RIPOR1: variants seen among roughly 807,000 people sequenced by gnomAD.
RIPOR1 encodes rho family-interacting cell polarization regulator 1.
A neutral mutation model predicts 116.5 loss-of-function variants in RIPOR1; 58 were observed. The observed-to-expected ratio is 0.50, with a 90% CI of 0.40 to 0.62. The LOEUF is 0.62. Ranked by LOEUF, RIPOR1 falls within the 20% of genes least tolerant of loss-of-function variation. The probability of loss-of-function intolerance (pLI) is 0.00; values close to 1 mark genes in which losing one functional copy is unlikely to be tolerated. For synonymous variants in RIPOR1, 605 were observed against 650.0 expected (o/e 0.93, Z 1.05); for missense variants, 1,372 against 1,586.2 (o/e 0.86, Z 2.29).
In RIPOR1 at chr16:67,537,590, G is replaced by A. The variant is rs760181088; in HGVS notation, c.-23-834G>A. On this transcript the variant is annotated intron_variant, in intron 1 of 21. Transcript: ENST00000042381. This position sits in a 1 kb window ranked among gnomAD's most constrained non-coding sequence, Gnocchi z 4.6. ...GTCCCGGACCCACCATGAACACCAA[G>A]AAGAGAGGTAGGACCCAGCTCGGGG... is the stretch of plus-strand genomic sequence containing the variant. 2.1e-6 allele frequency: 3 copies of A among 1,422,142 alleles called. No individual in the cohort carries two copies. In the South Asian group the frequency reaches 4.3e-5, roughly 21 times the overall value. 88.1% of individuals were successfully genotyped at this position (1,422,142 alleles called of 1,614,324 possible).
upstream of RIPOR1, among the ~76,000 whole-genome samples, chr16:67,525,717 T>C (rs2050534624): frequency 6.6e-6 from 1 of 152,010 alleles, no homozygotes; most frequent in Non-Finnish European, 1.5e-5. Context: ...TTAGAAGTGC[T>C]CATAATTCCT....
chr16:67,541,588 G>T lies in RIPOR1; in HGVS notation c.950+10G>T. 1.2e-6 allele frequency: 2 copies of T among 1,614,048 alleles called. No individual in the cohort carries two copies. The highest frequency in any genetic ancestry group is 1.7e-6 in the Non-Finnish European group (2 of 1,179,938). The stretch of plus-strand genomic sequence containing the variant: ...TGGAAGTCACATGGAGGTTGGTGGG[G>T]CTGAGAGGCTTGGAGGAGGGCCAGG... On this transcript the variant is annotated intron_variant, in intron 11 of 21. Transcript: ENST00000042381. This position sits in a 1 kb window ranked among gnomAD's most constrained non-coding sequence, Gnocchi z 4.6.
chr16:67,545,625 C>A lies in RIPOR1; in HGVS notation c.3191-39C>A. ...CCAACCTCGGGGGCTCCTCACCCTGCCACCTTGCCCACCCACCCACCATAT... is the reference window on the plus strand; with the variant it reads ...CCAACCTCGGGGGCTCCTCACCCTGACACCTTGCCCACCCACCCACCATAT... On this transcript the variant is annotated intron_variant, in intron 18 of 21. Transcript: ENST00000042381. This position sits in a 1 kb window ranked among gnomAD's most constrained non-coding sequence, Gnocchi z 4.8. 1 of 1,572,336 alleles carries A rather than the reference C, an allele frequency of 6.4e-7. No individual in the cohort carries two copies.
intron 1 of RIPOR1, 42 bp from the exon 2 acceptor site, chr16:67,538,382 G>T: frequency 1.3e-6 from 2 of 1,525,886 alleles, no homozygotes; most frequent in Non-Finnish European, 1.8e-6. Flanking sequence ...AGAGGGCTTC[G>T]GGGATCCGAC....
chr16:67,534,835 C>CTTTTTTTTTTTTTTTTTTTTTT (rs553858194), intron 1 of RIPOR1, among the ~76,000 whole-genome samples: 1 of 79,022 alleles, frequency 1.3e-5, no homozygotes, highest in Non-Finnish European at 2.3e-5. Flanking sequence ...TTCTTTTTTT[C>CTTTTTTTTTTTTTTTTTTTTTT]TTTTTTTTTT....
At chr16:67,532,678 G>A (rs543886154) in intron 1 of RIPOR1, among the ~76,000 whole-genome samples, 76 of 152,244 alleles carry the variant, frequency 5.0e-4, no homozygotes, top group African/African-American at 1.7e-3. Context: ...CTGAATAAGT[G>A]TCTTGCCCAA....
chr16:67,535,109 T>C (rs1213661742), intron 1 of RIPOR1, among the ~76,000 whole-genome samples: 2 of 152,066 alleles, frequency 1.3e-5, no homozygotes, highest in Non-Finnish European at 2.9e-5. Flanking sequence ...TCCCAAAGTG[T>C]TGGGATTATA....
At position 67,531,913 on chromosome 16, in the gene RIPOR1, A is replaced by G. The variant is rs761559251; in HGVS notation, c.-24+2999A>G. Among the ~76,000 whole-genome samples the G allele has an allele frequency of 1.3e-5, 2 of 152,028 alleles. No homozygotes were observed. The highest frequency in any genetic ancestry group is 2.9e-5 in the Non-Finnish European group (2 of 68,004). ...TGACTGTTTTGTTTTGTTTTTTGAG[A>G]CAGAGTCTCGCTCTGTCGCCCAGGC... On this transcript the variant is annotated intron_variant, in intron 1 of 21. Coordinates refer to ENST00000042381, the MANE Select transcript of RIPOR1 (RefSeq NM_024519.4). The surrounding 1 kb of genome is among the most constrained non-coding windows in gnomAD (Gnocchi z 4.2).
rs759345539 is a variant in RIPOR1, at chr16:67,545,852, C to T, written c.3379C>T (p.Arg1127Trp). 1.1e-5 allele frequency: 17 copies of T among 1,606,864 alleles called. No homozygotes were observed. Among genetic ancestry groups the T allele is most frequent in the South Asian group, 1.1e-5 (1 of 89,982 alleles). ...GAGCCTGTCACTGGGCCCTACCTTC[C>T]GGGAGAGGGTGAGTTGGACAGGGCT... is the stretch of plus-strand genomic sequence containing the variant. Reference protein sequence around the residue: ...LRSLSLGPTFRERALLCFLDQ... With the variant: ...LRSLSLGPTFWERALLCFLDQ... The change falls in exon 19 of 22, where the codon CGG becomes TGG. Residue 1127 changes from arginine to tryptophan, a missense_variant. Physicochemically the swap from Arg to Trp is moderately radical, Grantham distance 101. Around this residue, in one of 3 missense-constraint regions of RIPOR1, gnomAD observed 1,005 missense variants for 1,144.7 expected, o/e 0.88. Coordinates refer to ENST00000042381, the MANE Select transcript of RIPOR1 (RefSeq NM_024519.4). The surrounding 1 kb of genome is among the most constrained non-coding windows in gnomAD (Gnocchi z 4.8).
chr16:67,539,998 G>A, intron 6 of RIPOR1, 55 bp from the exon 7 acceptor site: 21 of 1,613,768 alleles, frequency 1.3e-5, no homozygotes, highest in Non-Finnish European at 1.8e-5. Context: ...TTAGAGGTGA[G>A]TAACCCCAGA....
chr16:67,541,518 T>G lies in RIPOR1; in HGVS notation c.890T>G (p.Val297Gly), dbSNP rs146187104. Residue 297 changes from valine to glycine, a missense_variant, in exon 11 of 22, where the codon GTT (valine) becomes GGT (glycine). Physicochemically the swap from Val to Gly is moderately radical, Grantham distance 109. This residue lies in a region of RIPOR1 where 202 missense variants were observed against 295.9 expected (regional missense o/e 0.68). Transcript: ENST00000042381. This position sits in a 1 kb window ranked among gnomAD's most constrained non-coding sequence, Gnocchi z 4.6. The stretch of plus-strand genomic sequence containing the variant: ...GACCTGTTTGCCGCCCTGCCCCAGG[T>G]TGTGGCTGTGGATATCAATGACCTT... ...TKDLFAALPQ[V>G]VAVDINDLGT... The G allele has an allele frequency of 5.8e-3, 9,426 of 1,614,076 alleles. 36 individuals carry two copies. Among genetic ancestry groups the G allele is most frequent in the Non-Finnish European group, 7.0e-3 (8,279 of 1,179,982 alleles).
Position 67,537,588 on chromosome 16 carries a change from A to G in RIPOR1, c.-23-836A>G. Reference sequence around the variant, plus strand: ...CCGTCCCGGACCCACCATGAACACCAAGAAGAGAGGTAGGACCCAGCTCGG... The same window carrying G: ...CCGTCCCGGACCCACCATGAACACCGAGAAGAGAGGTAGGACCCAGCTCGG... On this transcript the variant is annotated intron_variant, in intron 1 of 21. Coordinates refer to ENST00000042381, the MANE Select transcript of RIPOR1 (RefSeq NM_024519.4). The surrounding 1 kb of genome is among the most constrained non-coding windows in gnomAD (Gnocchi z 4.6). 1.4e-6 allele frequency: 2 copies of G among 1,421,508 alleles called. No homozygotes were observed. The highest frequency in any genetic ancestry group is 1.8e-6 in the Non-Finnish European group (2 of 1,086,760). The allele number at this position is 1,421,508 out of a possible 1,614,324, so 88.1% of individuals were successfully genotyped here.
In RIPOR1 at chr16:67,530,647, C is replaced by T. The variant is rs1047888462; in HGVS notation, c.-24+1733C>T. Among the ~76,000 whole-genome samples, 1 of 152,126 alleles carries T rather than the reference C, an allele frequency of 6.6e-6. No individual in the cohort carries two copies. Among genetic ancestry groups the T allele is most frequent in the African/African-American group, 2.4e-5 (1 of 41,438 alleles). ...CAGGTGGTGGGATATTCCGCCGCAC[C>T]CGGGTGTGCCAGTCTTGGTGTGTAG... On this transcript the variant is annotated intron_variant, in intron 1 of 21. Coordinates refer to ENST00000042381, the MANE Select transcript of RIPOR1 (RefSeq NM_024519.4). This position sits in a 1 kb window ranked among gnomAD's most constrained non-coding sequence, Gnocchi z 4.5.
In RIPOR1 at chr16:67,537,438, C is replaced by T. The variant is rs979940142; in HGVS notation, c.-23-986C>T. ...GCTGAGTCAGGCGGCAGGAACTGGG[C>T]GGGGGGCGGCGCCGGGAGGAGCCGA... On this transcript the variant is annotated intron_variant, in intron 1 of 21. Coordinates refer to ENST00000042381, the MANE Select transcript of RIPOR1 (RefSeq NM_024519.4). The surrounding 1 kb of genome is among the most constrained non-coding windows in gnomAD (Gnocchi z 4.6). The T allele has an allele frequency of 1.2e-4, 146 of 1,241,654 alleles. No individual in the cohort carries two copies. In the African/African-American group the frequency reaches 2.1e-3, roughly 18 times the overall value. The allele number at this position is 1,241,654 out of a possible 1,614,324, so 76.9% of individuals were successfully genotyped here. A position where few individuals can be genotyped will look rare whatever the true frequency, so the allele number is the denominator to read the frequency against.
At chr16:67,534,532 A>G (rs2050743348) in intron 1 of RIPOR1, among the ~76,000 whole-genome samples, 2 of 152,238 alleles carry the variant, frequency 1.3e-5, no homozygotes, top group South Asian at 2.1e-4. Flanking sequence ...ACACACTCAT[A>G]TAGAATCAGG....
rs2050845784 is a variant in RIPOR1, at chr16:67,537,974, GCC to G, written c.-23-447_-23-446del. 4.6e-6 allele frequency: 1 copy of G among 218,694 alleles called. No homozygotes were observed. The highest frequency in any genetic ancestry group is 8.9e-6 in the Non-Finnish European group (1 of 111,890). The allele number at this position is 218,694 out of a possible 1,614,324, so 13.5% of individuals were successfully genotyped here. On this transcript the variant is annotated intron_variant, in intron 1 of 21. Transcript: ENST00000042381. This position sits in a 1 kb window ranked among gnomAD's most constrained non-coding sequence, Gnocchi z 4.6. ...AGGGCTCCGAGCGTGGCCCCGCCCC[GCC>G]CCGTGACCTCCTTGGGCTCCCGGGG...
rs752235411 is a variant in RIPOR1, at chr16:67,543,136, G to A, written c.2350G>A (p.Gly784Arg). ...VQTPVPTAAGGSGDRSLEEAL... is the reference protein window; with the variant it reads ...VQTPVPTAAGRSGDRSLEEAL... ...GACCCCAGTCCCAACGGCAGCCGGA[G>A]GGTCTGGGGACAGGAGCCTGGAGGA... The change falls in exon 13 of 22, where the codon GGG becomes AGG. Residue 784 changes from glycine to arginine, a missense_variant. Gly to Arg is a moderately radical substitution (Grantham distance 125). This residue lies in a region of RIPOR1 where 1,005 missense variants were observed against 1,144.7 expected (regional missense o/e 0.88). Transcript: ENST00000042381. The surrounding 1 kb of genome is among the most constrained non-coding windows in gnomAD (Gnocchi z 4.7). The A allele has an allele frequency of 1.3e-6, 2 of 1,524,564 alleles. No homozygotes were observed. Among genetic ancestry groups the A allele is most frequent in the Non-Finnish European group, 1.8e-6 (2 of 1,138,064 alleles). The allele number at this position is 1,524,564 out of a possible 1,614,324, so 94.4% of individuals were successfully genotyped here.
rs1192155699 is a variant in RIPOR1 at position 67,530,078 on chromosome 16, G to A, written c.-24+1164G>A. 3 of 607,566 alleles carry A rather than the reference G, an allele frequency of 4.9e-6. No individual in the cohort carries two copies. Among genetic ancestry groups the A allele is most frequent in the East Asian group, 2.8e-5 (1 of 35,750 alleles). The allele number at this position is 607,566 out of a possible 1,614,324, so 37.6% of individuals were successfully genotyped here. A position where few individuals can be genotyped will look rare whatever the true frequency, so the allele number is the denominator to read the frequency against. On this transcript the variant is annotated intron_variant, in intron 1 of 21. Transcript: ENST00000042381. This position sits in a 1 kb window ranked among gnomAD's most constrained non-coding sequence, Gnocchi z 4.5. ...TGGGTCCTGTGACTGCGGCGGGAGA[G>A]AGGAGCAAGGTGAGCCGCCCCAGGG... is the stretch of plus-strand genomic sequence containing the variant.
rs1597658952 is a variant in RIPOR1 at position 67,545,588 on chromosome 16, G to A, written c.3190+54G>A. 6.3e-7 allele frequency: 1 copy of A among 1,598,206 alleles called. No homozygotes were observed. The highest frequency in any genetic ancestry group is 2.2e-5 in the East Asian group (1 of 44,582). ...GCCTCTTGGGGTCTGAGGACATGAG[G>A]ACAAGCCCTCCCCAACCTCGGGGGC... On this transcript the variant is annotated intron_variant, in intron 18 of 21. Transcript: ENST00000042381. This position sits in a 1 kb window ranked among gnomAD's most constrained non-coding sequence, Gnocchi z 4.8.
Sources: gnomAD v4.1 joint callset for allele counts (sites outside exome capture counted in the v4.1 genomes callset) on GRCh38, gnomAD v4.1.1 for gene constraint, gnomAD v4.1.1 regional missense constraint, Gnocchi (gnomAD v3.1) non-coding constraint, MANE v1.5 for transcripts, NCBI Gene and HGNC (gene_info 2026-07-23, HGNC 2026-07-21) for gene names.